The following SEC24B variants were observed in gnomAD, a reference collection of about 807,000 sequenced individuals.
SEC24B encodes protein transport protein Sec24B.
In SEC24B, 45 loss-of-function variants were observed where a neutral mutation model predicts 142.8. The ratio of observed to expected loss-of-function variants is 0.32; its 90% CI spans 0.25 to 0.40. The LOEUF is 0.40. SEC24B is among the 10% of genes least tolerant of loss of function. The pLI is 1.00. For synonymous variants in SEC24B, 574 were observed against 568.2 expected, an observed-to-expected ratio of 1.01 and a Z score of -0.15; for missense variants, 1,409 against 1,526.8, an observed-to-expected ratio of 0.92 and a Z score of 1.29.
At chr4:109,472,514 G>T (rs1732630295) in intron 2 of SEC24B, among the ~76,000 whole-genome samples, 1 of 152,162 alleles carries the variant, frequency 6.6e-6, no homozygotes, top group Non-Finnish European at 1.5e-5. Context: ...GCAGTTTACA[G>T]TGCAAAATGA....
rs1416176142 is a variant in SEC24B at position 109,538,537 on chromosome 4, A to T, written c.3633A>T (p.Arg1211Ser). Reference sequence around the variant, plus strand: ...ATACACTTTCATCAGAAAGAGCCAGATCCTTCATAACTTGGCTTAGAGACA... The same window carrying T: ...ATACACTTTCATCAGAAAGAGCCAGTTCCTTCATAACTTGGCTTAGAGACA... ...ELDTLSSERA[R>S]SFITWLRDSR... The change falls in exon 23 of 24, where the codon AGA becomes AGT. Residue 1211 changes from arginine to serine, a missense_variant. Physicochemically the swap from Arg to Ser is moderately radical, Grantham distance 110. Coordinates refer to ENST00000265175, the MANE Select transcript of SEC24B (RefSeq NM_006323.5). 1 of 1,613,312 alleles carries T rather than the reference A, an allele frequency of 6.2e-7. No homozygotes were observed. The highest frequency in any genetic ancestry group is 8.5e-7 in the Non-Finnish European group (1 of 1,179,440).
intron 16 of SEC24B, 64 bp from the exon 17 acceptor site, chr4:109,526,162 T>C: frequency 6.8e-7 from 1 of 1,475,704 alleles, no homozygotes; most frequent in Non-Finnish European, 9.3e-7. Context: ...CTTAAAAAAG[T>C]AACTTTAGCT....
In SEC24B at chr4:109,521,754, C is replaced by T. The variant is rs1028935277; in HGVS notation, c.2508+128C>T. On this transcript the variant is annotated intron_variant, in intron 14 of 23. Coordinates refer to ENST00000265175, the MANE Select transcript of SEC24B (RefSeq NM_006323.5). ...TTTGTTTTTTGTTTCTTTTTTGAGACGTGGTCTCACACTGTTGCCCAGGCT... is the reference window on the plus strand; with the variant it reads ...TTTGTTTTTTGTTTCTTTTTTGAGATGTGGTCTCACACTGTTGCCCAGGCT... 5.3e-5 allele frequency: 39 copies of T among 738,874 alleles called. 1 individual carries two copies. The highest frequency in any genetic ancestry group is 3.8e-4 in the South Asian group (20 of 51,982). 45.8% of individuals were successfully genotyped at this position (738,874 alleles called of 1,614,324 possible).
chr4:109,479,422 C>T (rs1463014414), intron 3 of SEC24B, among the ~76,000 whole-genome samples: 1 of 152,086 alleles, frequency 6.6e-6, no homozygotes, highest in African/African-American at 2.4e-5. Context: ...ATCTGTGTAT[C>T]TCATACATAG....
intron 2 of SEC24B, 60 bp from the exon 3 acceptor site, chr4:109,472,944 A>G: frequency 1.4e-6 from 1 of 719,256 alleles, no homozygotes; most frequent in Admixed American, 3.4e-5. Context: ...TGTATGTGGT[A>G]CTATATTATA....
chr4:109,471,443 C>A (rs1329487157), intron 2 of SEC24B, among the ~76,000 whole-genome samples: 1 of 152,150 alleles, frequency 6.6e-6, no homozygotes, highest in Non-Finnish European at 1.5e-5. Context: ...CCACACCCGA[C>A]CCTAATTTTA....
intron 2 of SEC24B, among the ~76,000 whole-genome samples, chr4:109,471,552 G>A (rs999000098): frequency 6.6e-6 from 1 of 152,110 alleles, no homozygotes; most frequent in Non-Finnish European, 1.5e-5. Flanking sequence ...GTTATCTATT[G>A]CTGGTTTAAA....
intron 1 of SEC24B, among the ~76,000 whole-genome samples, chr4:109,446,716 G>T (rs572674072): frequency 1.3e-5 from 2 of 152,276 alleles, no homozygotes; most frequent in African/African-American, 4.8e-5. Context: ...TTGTATTATG[G>T]TATAAATTAT....
At chr4:109,447,651 TACTA>T (rs1729608987) in intron 1 of SEC24B, among the ~76,000 whole-genome samples, 1 of 123,272 alleles carries the variant, frequency 8.1e-6, no homozygotes, top group African/African-American at 6.8e-5. Flanking sequence ...ACTACTAGTA[TACTA>T]GTATATTAAG....
intron 6 of SEC24B, among the ~76,000 whole-genome samples, chr4:109,502,836 CA>C (rs1736289370): frequency 6.6e-6 from 1 of 152,034 alleles, no homozygotes; most frequent in Non-Finnish European, 1.5e-5. Flanking sequence ...TTTGTATAAG[CA>C]AAAAATTTTT....
chr4:109,466,489 C>T (rs1328909928), intron 2 of SEC24B, among the ~76,000 whole-genome samples: 2 of 152,246 alleles, frequency 1.3e-5, no homozygotes, highest in African/African-American at 4.8e-5. Flanking sequence ...CAGCTCACTG[C>T]AAGCTCCGCC....
chr4:109,497,141 A>G (rs1318045569), intron 6 of SEC24B, among the ~76,000 whole-genome samples: 1 of 152,236 alleles, frequency 6.6e-6, no homozygotes, highest in East Asian at 1.9e-4. Flanking sequence ...CTGCTTTTGC[A>G]CTACAGTAGT....
At chr4:109,464,817 C>T (rs1731688121) in intron 2 of SEC24B, among the ~76,000 whole-genome samples, 1 of 152,156 alleles carries the variant, frequency 6.6e-6, no homozygotes, top group African/African-American at 2.4e-5. Context: ...TCTACTCTTT[C>T]ATTGCTATGT....
chr4:109,455,085 T>C (rs1441040328), intron 1 of SEC24B, among the ~76,000 whole-genome samples: 1 of 152,204 alleles, frequency 6.6e-6, no homozygotes. Flanking sequence ...TTTGTATGTC[T>C]TTTATCCTGT....
intron 4 of SEC24B, among the ~76,000 whole-genome samples, chr4:109,488,475 A>G (rs539590471): frequency 3.3e-5 from 5 of 152,274 alleles, no homozygotes; most frequent in Middle Eastern, 6.8e-3. Flanking sequence ...AAAATATTCC[A>G]TATGTGAATG....
chr4:109,525,408 A>C lies in SEC24B; in HGVS notation c.2695A>C (p.Asn899His). ...TTATCCATCATTCCACTATACTCAC[A>C]ATCCTTCACAAGCAGAAAAGTTACA... ...YYYPSFHYTH[N>H]PSQAEKLQKD... is the part of the protein sequence containing the mutation. The change falls in exon 16 of 24, where the codon AAT becomes CAT. Residue 899 changes from asparagine (N) to histidine (H), a missense_variant. Asn to His is a moderately conservative substitution (Grantham distance 68, BLOSUM62 1). Coordinates refer to ENST00000265175, the MANE Select transcript of SEC24B (RefSeq NM_006323.5). 1 of 1,612,166 alleles carries C rather than the reference A, an allele frequency of 6.2e-7. No homozygotes were observed. The highest frequency in any genetic ancestry group is 8.5e-7 in the Non-Finnish European group (1 of 1,178,912).
At chr4:109,487,363 A>T (rs1443793415) in intron 4 of SEC24B, among the ~76,000 whole-genome samples, 2 of 152,118 alleles carry the variant, frequency 1.3e-5, no homozygotes, top group Non-Finnish European at 2.9e-5. Flanking sequence ...GAAGAAAAAA[A>T]TGTAGTATTG....
At chr4:109,494,370 A>AT (rs1208512696) in intron 5 of SEC24B, among the ~76,000 whole-genome samples, 6 of 152,196 alleles carry the variant, frequency 3.9e-5, no homozygotes, top group Non-Finnish European at 5.9e-5. Context: ...GTAAAAAGGA[A>AT]TAAAAAAAAG....
rs570824908 is a variant in SEC24B at position 109,527,573 on chromosome 4, C to A, written c.3076+141C>A. ...GGACCACGAGGTCAGGAGTTTGAGA[C>A]CAGGCTGGCCAACATGGTGAAACCC... is the stretch of plus-strand genomic sequence containing the variant. On this transcript the variant is annotated intron_variant, in intron 18 of 23. Coordinates refer to ENST00000265175, the MANE Select transcript of SEC24B (RefSeq NM_006323.5). 51 of 598,572 alleles carry A rather than the reference C, an allele frequency of 8.5e-5. No homozygotes were observed. The African/African-American group carries it at 9.3e-4, about 11-fold the overall frequency. The allele number at this position is 598,572 out of a possible 1,614,324, so 37.1% of individuals were successfully genotyped here. A position where few individuals can be genotyped will look rare whatever the true frequency, so the allele number is the denominator to read the frequency against.
Sources: allele counts gnomAD v4.1 joint callset (sites outside exome capture counted in the v4.1 genomes callset), GRCh38; gene constraint gnomAD v4.1.1; transcripts MANE v1.5; gene names NCBI Gene and HGNC (gene_info 2026-07-23, HGNC 2026-07-21).